The following UNKL variants were observed in gnomAD, a reference collection of about 807,000 sequenced individuals.
UNKL encodes unk like zinc finger, also known as putative E3 ubiquitin-protein ligase UNKL.
UNKL carries 60 observed loss-of-function variants against 78.0 expected under a neutral mutation model. That is an observed-to-expected ratio of 0.77 (90% confidence interval 0.63 to 0.95). UNKL has a LOEUF of 0.95. Ranked by LOEUF, UNKL falls within the 40% of genes least tolerant of loss-of-function variation. UNKL has a pLI of 0.00. For missense variants in UNKL, 1,159 were observed against 1,045.7 expected, an observed-to-expected ratio of 1.11 and a Z score of -1.49; for synonymous variants, 608 against 474.8, an observed-to-expected ratio of 1.28 and a Z score of -3.65.
chr16:1,366,687 G>A (rs919807935), intron 14 of UNKL, among the ~76,000 whole-genome samples: 2 of 152,238 alleles, frequency 1.3e-5, no homozygotes, highest in Admixed American at 6.5e-5. Flanking sequence ...GGGTGCCCAG[G>A]ATGTGGGCTA....
intron 10 of UNKL, among the ~76,000 whole-genome samples, chr16:1,381,301 G>C (rs892981063): frequency 6.6e-6 from 1 of 152,224 alleles, no homozygotes; most frequent in Admixed American, 6.5e-5. Flanking sequence ...TATTTAAAAA[G>C]AATGTGTGCT....
At chr16:1,394,477 T>A (rs2037177277) in intron 6 of UNKL, 1 of 647,640 alleles carries the variant, frequency 1.5e-6, no homozygotes, top group Non-Finnish European at 2.9e-6. Flanking sequence ...GCAAAGTCAT[T>A]TCCCCGCTTG....
At chr16:1,372,546 T>G (rs564856929) in intron 10 of UNKL, among the ~76,000 whole-genome samples, 78 of 151,774 alleles carry the variant, frequency 5.1e-4, no homozygotes, top group African/African-American at 1.7e-3. Flanking sequence ...CCACTGCCCC[T>G]TCCTAGAATT....
intron 14 of UNKL, 80 bp downstream of exon 14, chr16:1,367,012 A>AC: frequency 2.1e-6 from 3 of 1,441,552 alleles, no homozygotes; most frequent in Non-Finnish European, 2.7e-6. Flanking sequence ...GGGACACCGC[A>AC]CCAGCCAGGG....
intron 10 of UNKL, 101 bp from the exon 11 acceptor site, chr16:1,371,712 A>C: frequency 8.0e-7 from 1 of 1,254,450 alleles, no homozygotes; most frequent in Non-Finnish European, 1.1e-6. Flanking sequence ...TTAGAGTGAG[A>C]CCAAGGGCAG....
intron 10 of UNKL, chr16:1,379,453 T>C (rs1455301603): frequency 3.1e-6 from 3 of 981,782 alleles, no homozygotes; most frequent in African/African-American, 3.5e-5. Context: ...AGGCGACGCC[T>C]TCGCCTCGCT....
chr16:1,370,256 C>G lies in UNKL; in HGVS notation c.1459G>C (p.Gly487Arg). Residue 487 changes from glycine (G) to arginine (R), a missense_variant, in exon 12 of 15, where the codon GGT becomes CGT. Coordinates refer to ENST00000389221, the MANE Select transcript of UNKL (RefSeq NM_001372107.1). ...CCTGGGAGGGGCTGGGACAGCGAAC[C>G]GAGCGGCGAGGTGGACGCAGAGGAT... ...SPSSASTSPL[G>R]SLSQPLPGPV... 6.5e-7 allele frequency: 1 copy of G among 1,533,744 alleles called. No individual in the cohort carries two copies.
chr16:1,369,104 C>T (rs1356745584), intron 12 of UNKL, among the ~76,000 whole-genome samples: 4 of 126,314 alleles, frequency 3.2e-5, no homozygotes, highest in Non-Finnish European at 6.4e-5. Flanking sequence ...CTAGCTCTAT[C>T]GCCAGGCTGG....
chr16:1,398,740 A>G, intron 5 of UNKL: 1 of 1,273,864 alleles, frequency 7.9e-7, no homozygotes, highest in South Asian at 1.2e-5. Context: ...GGCCAGGCAC[A>G]ACCAGAAGGC....
At position 1,387,860 on chromosome 16, in the gene UNKL, C is replaced by T. The variant is rs2036880616; in HGVS notation, c.1087-2475G>A. ...CCTGTGTCCCGGGGTCTGCCCAGGT[C>T]CGTGCTCTGGGGCACGGTCCCTACA... On this transcript the variant is annotated intron_variant, in intron 9 of 14. Transcript: ENST00000389221. The surrounding 1 kb of genome is among the most constrained non-coding windows in gnomAD (Gnocchi z 4.1). Among the ~76,000 whole-genome samples, 3 of 151,114 alleles carry T rather than the reference C, an allele frequency of 2.0e-5. No homozygotes were observed. In the South Asian group the frequency reaches 6.3e-4, roughly 32 times the overall value.
intron 2 of UNKL, among the ~76,000 whole-genome samples, chr16:1,404,809 G>C (rs985402185): frequency 1.3e-5 from 2 of 152,196 alleles, no homozygotes; most frequent in Admixed American, 6.5e-5. Flanking sequence ...GTACACGCAG[G>C]CTTCCGTCCA....
rs1022274618 is a variant in UNKL, at chr16:1,383,409, C to T, written c.1264+1799G>A. 10 of 180,890 alleles carry T rather than the reference C, an allele frequency of 5.5e-5. No homozygotes were observed. In the East Asian group the frequency reaches 8.4e-4, roughly 15 times the overall value. The allele number at this position is 180,890 out of a possible 1,614,324, so 11.2% of individuals were successfully genotyped here. The stretch of plus-strand genomic sequence containing the variant: ...CAGCAACACAGGCCAAGAGCTGTGC[C>T]CAGAAGATGCACCTGGTTGCAGAGG... On this transcript the variant is annotated intron_variant, in intron 10 of 14. Transcript: ENST00000389221.
intron 10 of UNKL, among the ~76,000 whole-genome samples, chr16:1,378,461 G>T (rs150888083): frequency 2.5e-3 from 386 of 152,342 alleles, no homozygotes; most frequent in Non-Finnish European, 4.7e-3. Flanking sequence ...ACGCAAAGAA[G>T]TTGGGGGACA....
intron 5 of UNKL, chr16:1,398,449 C>G (rs1567230037): frequency 8.9e-7 from 1 of 1,125,892 alleles, no homozygotes; most frequent in Admixed American, 4.6e-5. Flanking sequence ...TACAGCCGTT[C>G]AGGTCCTTTA....
intron 2 of UNKL, chr16:1,408,925 CTT>C (rs143029863): frequency 2.9e-4 from 42 of 142,782 alleles, no homozygotes; most frequent in Admixed American, 3.5e-4. Flanking sequence ...ATAGAAATTT[CTT>C]TTTTTTTTTT....
chr16:1,378,330 G>A (rs572007937), intron 10 of UNKL, among the ~76,000 whole-genome samples: 1 of 152,330 alleles, frequency 6.6e-6, no homozygotes, highest in African/African-American at 2.4e-5. Flanking sequence ...GGTCAGCCAG[G>A]CTCGGGAACC....
At chr16:1,383,516 A>G (rs1047060078) in intron 10 of UNKL, 1 of 259,958 alleles carries the variant, frequency 3.8e-6, no homozygotes, top group Admixed American at 4.2e-5. Flanking sequence ...TTCCTCGCAG[A>G]CACCACTCAG....
At chr16:1,368,094 C>T (rs2035459278) in intron 12 of UNKL, 1 of 575,998 alleles carries the variant, frequency 1.7e-6, no homozygotes, top group Non-Finnish European at 3.1e-6. Flanking sequence ...AGATCTACGC[C>T]TTCCTGGCCA....
At chr16:1,392,597 G>A (rs2037094400) in intron 8 of UNKL, among the ~76,000 whole-genome samples, 1 of 152,094 alleles carries the variant, frequency 6.6e-6, no homozygotes, top group Non-Finnish European at 1.5e-5. Context: ...ACCACACCTG[G>A]TTAATTTTTG....
Sources: allele counts gnomAD v4.1 joint callset (sites outside exome capture counted in the v4.1 genomes callset), GRCh38; gene constraint gnomAD v4.1.1; non-coding constraint Gnocchi (gnomAD v3.1); transcripts MANE v1.5; gene names NCBI Gene and HGNC (gene_info 2026-07-23, HGNC 2026-07-21).